The following MOGAT1 variants were observed in gnomAD, a reference collection of about 807,000 sequenced individuals.
The protein encoded by MOGAT1 is 2-acylglycerol O-acyltransferase 1.
MOGAT1 carries 32 observed loss-of-function variants against 31.4 expected under a neutral mutation model. The ratio of observed to expected loss-of-function variants is 1.02; its 90% CI spans 0.77 to 1.37. MOGAT1 has a LOEUF of 1.37. Among genes scored for constraint, MOGAT1 ranks in the 40% most tolerant of loss-of-function variants. MOGAT1 has a pLI of 0.00. For synonymous variants in MOGAT1, 145 were observed against 144.5 expected (o/e 1.00, Z -0.03); for missense variants, 426 against 402.0 (o/e 1.06, Z -0.51).
chr2:222,688,484 A>G lies in MOGAT1; in HGVS notation c.235A>G (p.Thr79Ala), dbSNP rs754944979. The change falls in exon 2 of 6, where the codon ACT becomes GCT. Residue 79 changes from threonine to alanine, a missense_variant. Thr to Ala is a moderately conservative substitution (Grantham distance 58). Coordinates refer to ENST00000446656, the MANE Select transcript of MOGAT1 (RefSeq NM_058165.3). ...GRRSSWIKNW[T>A]LWKHFKDYFP... ...GAGATCCAGCTGGATCAAAAATTGG[A>G]CTCTTTGGAAACACTTTAAGGACTA... 1.9e-6 allele frequency: 3 copies of G among 1,613,384 alleles called. No homozygotes were observed. The highest frequency in any genetic ancestry group is 1.7e-5 in the Admixed American group (1 of 59,906).
intron 1 of MOGAT1, among the ~76,000 whole-genome samples, chr2:222,680,645 A>G (rs1007026386): frequency 6.6e-6 from 1 of 152,200 alleles, no homozygotes; most frequent in Non-Finnish European, 1.5e-5. Context: ...TTTAAAAAAT[A>G]TAGTGTCTCC....
intron 1 of MOGAT1, among the ~76,000 whole-genome samples, chr2:222,682,302 G>A (rs1350367941): frequency 6.6e-6 from 1 of 152,034 alleles, no homozygotes; most frequent in African/African-American, 2.4e-5. Flanking sequence ...AATTTATCAG[G>A]GATATGATAA....
intron 5 of MOGAT1, among the ~76,000 whole-genome samples, chr2:222,702,046 C>T (rs548756503): frequency 4.6e-5 from 7 of 152,168 alleles, no homozygotes; most frequent in Non-Finnish European, 8.8e-5. Context: ...GGAGTAAAGG[C>T]CTCCTGCCTA....
chr2:222,686,033 G>C (rs1293976174), intron 1 of MOGAT1, among the ~76,000 whole-genome samples: 1 of 152,094 alleles, frequency 6.6e-6, no homozygotes, highest in Non-Finnish European at 1.5e-5. Context: ...TCTGTTCCTG[G>C]CTCACTCTAT....
At chr2:222,693,186 C>T (rs1024940019) in intron 3 of MOGAT1, among the ~76,000 whole-genome samples, 1 of 152,122 alleles carries the variant, frequency 6.6e-6, no homozygotes, top group Non-Finnish European at 1.5e-5. Context: ...AAACATAAGA[C>T]ATTAAAAAGT....
chr2:222,701,299 G>GGGGA (rs1553562914), intron 5 of MOGAT1, among the ~76,000 whole-genome samples: 1 of 90,498 alleles, frequency 1.1e-5, no homozygotes, highest in East Asian at 2.3e-4. Flanking sequence ...AGGAGGAGGA[G>GGGGA]GAGAGAGAGA....
chr2:222,692,810 G>A (rs2044539), intron 3 of MOGAT1, among the ~76,000 whole-genome samples: 64,508 of 151,934 alleles, frequency 0.42, 15,901 homozygotes, highest in African/African-American at 0.7. Context: ...GAAAACGGAG[G>A]AGTGGCCAGA....
chr2:222,684,139 C>T (rs1692626345), intron 1 of MOGAT1, among the ~76,000 whole-genome samples: 1 of 152,164 alleles, frequency 6.6e-6, no homozygotes, highest in South Asian at 2.1e-4. Context: ...TGCAGTGGCT[C>T]ATGCCTGTAA....
At chr2:222,692,606 A>G (rs553483001) in intron 3 of MOGAT1, among the ~76,000 whole-genome samples, 1 of 152,296 alleles carries the variant, frequency 6.6e-6, no homozygotes, top group African/African-American at 2.4e-5. Context: ...TAGAGCTGTC[A>G]ATTGGGCATT....
chr2:222,699,510 T>TTTG (rs1214627065), intron 5 of MOGAT1: 4 of 145,468 alleles, frequency 2.7e-5, no homozygotes, highest in Admixed American at 6.9e-5. Context: ...TTTTTTTTTT[T>TTTG]TTTTGAGACG....
chr2:222,704,332 AAG>A (rs1692971482), intron 5 of MOGAT1, among the ~76,000 whole-genome samples: 1 of 152,134 alleles, frequency 6.6e-6, no homozygotes, highest in African/African-American at 2.4e-5. Flanking sequence ...GGACCCTTTT[AAG>A]AGTATCCCGG....
intron 5 of MOGAT1, among the ~76,000 whole-genome samples, chr2:222,695,529 A>G (rs764514678): frequency 6.6e-6 from 1 of 152,174 alleles, no homozygotes; most frequent in African/African-American, 2.4e-5. Flanking sequence ...GTAAAATCCA[A>G]TTTTCAAAAT....
chr2:222,705,392 G>T (rs1692990568), intron 5 of MOGAT1, among the ~76,000 whole-genome samples: 2 of 152,198 alleles, frequency 1.3e-5, no homozygotes. Context: ...TCAAGATGGA[G>T]TTGCACTGAT....
At chr2:222,701,586 G>A (rs1159068109) in intron 5 of MOGAT1, among the ~76,000 whole-genome samples, 2 of 90,268 alleles carry the variant, frequency 2.2e-5, no homozygotes, top group African/African-American at 8.3e-5. Context: ...GAAAGAAAAA[G>A]AAAGAAAGAA....
intron 5 of MOGAT1, among the ~76,000 whole-genome samples, chr2:222,701,132 C>T (rs986887519): frequency 1.3e-5 from 2 of 152,078 alleles, no homozygotes; most frequent in African/African-American, 4.8e-5. Flanking sequence ...CGGTGGCTCA[C>T]GCCTGTAATC....
Position 222,671,878 on chromosome 2 carries a change from C to A in MOGAT1, c.93C>A (p.Leu31=), listed in dbSNP as rs577166351. The stretch of plus-strand genomic sequence containing the variant: ...AGTGGGTCCTGAAATACCTGCTGCT[C>A]GGTAAGGACCCCGCCCCCCGGGCCG... ...VLQWVLKYLL[L]GPMSIGITVM... Residue 31 remains leucine, a splice_region_variant and synonymous_variant, in exon 1 of 6, where the codon CTC becomes CTA. Coordinates refer to ENST00000446656, the MANE Select transcript of MOGAT1 (RefSeq NM_058165.3). The A allele has an allele frequency of 4.5e-6, 7 of 1,550,224 alleles. No homozygotes were observed. Among genetic ancestry groups the A allele is most frequent in the East Asian group, 2.4e-5 (1 of 40,900 alleles).
At chr2:222,684,859 G>A (rs903745522) in intron 1 of MOGAT1, among the ~76,000 whole-genome samples, 3 of 152,106 alleles carry the variant, frequency 2.0e-5, no homozygotes, top group Non-Finnish European at 4.4e-5. Flanking sequence ...GCAAGCGTGA[G>A]CCACCGTGCC....
intron 1 of MOGAT1, among the ~76,000 whole-genome samples, chr2:222,683,141 C>T (rs1394701837): frequency 1.3e-5 from 2 of 150,872 alleles, no homozygotes; most frequent in Non-Finnish European, 2.9e-5. Flanking sequence ...GAGGTCGAGG[C>T]TGCAGTGAGC....
chr2:222,691,886 G>C (rs185963922), intron 3 of MOGAT1, among the ~76,000 whole-genome samples: 35 of 152,256 alleles, frequency 2.3e-4, no homozygotes, highest in Admixed American at 2.0e-3. Flanking sequence ...CATTCCTCTT[G>C]TCCCATTTTG....
Sources: allele counts gnomAD v4.1 joint callset (sites outside exome capture counted in the v4.1 genomes callset), GRCh38; gene constraint gnomAD v4.1.1; transcripts MANE v1.5; gene names NCBI Gene and HGNC (gene_info 2026-07-23, HGNC 2026-07-21).